VGLL4: variants seen among roughly 807,000 people sequenced by gnomAD.
VGLL4 encodes vestigial like family member 4.
In VGLL4, 7 loss-of-function variants were observed where a neutral mutation model predicts 21.0. That is an observed-to-expected ratio of 0.33 (90% CI 0.19 to 0.63). VGLL4 has a LOEUF of 0.63. VGLL4 is among the 20% of genes least tolerant of loss of function. The pLI is 0.78. For synonymous variants in VGLL4, 222 were observed against 173.2 expected (o/e 1.28, Z -2.21); for missense variants, 394 against 425.7 (o/e 0.93, Z 0.66).
At chr3:11,665,976 C>A (rs1369054383) in intron 2 of VGLL4, among the ~76,000 whole-genome samples, 1 of 152,144 alleles carries the variant, frequency 6.6e-6, no homozygotes, top group Admixed American at 6.5e-5. Flanking sequence ...CTGGGCCGGG[C>A]GCGGTGGCTC....
intron 1 of VGLL4, among the ~76,000 whole-genome samples, chr3:11,621,491 C>T (rs2075265472): frequency 6.6e-6 from 1 of 152,138 alleles, no homozygotes; most frequent in African/African-American, 2.4e-5. Context: ...CATGTTGTAA[C>T]GTATGTCAGT....
intron 2 of VGLL4, among the ~76,000 whole-genome samples, chr3:11,684,877 T>C (rs1415918328): frequency 6.6e-6 from 1 of 152,174 alleles, no homozygotes; most frequent in African/African-American, 2.4e-5. Flanking sequence ...GCAGTTTTGT[T>C]TTATAGGTAA....
intron 1 of VGLL4, among the ~76,000 whole-genome samples, chr3:11,616,716 G>A (rs750530332): frequency 9.2e-5 from 14 of 152,226 alleles, no homozygotes; most frequent in African/African-American, 3.4e-4. Flanking sequence ...AAAATCAGAG[G>A]ATGTGGTTCA....
intron 2 of VGLL4, among the ~76,000 whole-genome samples, chr3:11,691,428 C>T (rs2076525151): frequency 6.6e-6 from 1 of 152,112 alleles, no homozygotes; most frequent in African/African-American, 2.4e-5. Context: ...ACGTTAACAA[C>T]TGGCTCTCTA....
chr3:11,558,376 G>T lies in VGLL4; in HGVS notation c.*180C>A. 1 of 1,034,000 alleles carries T rather than the reference G, an allele frequency of 9.7e-7. No homozygotes were observed. Among genetic ancestry groups the T allele is most frequent in the Non-Finnish European group, 1.4e-6 (1 of 733,526 alleles). 64.1% of individuals were successfully genotyped at this position (1,034,000 alleles called of 1,614,324 possible). ...TGCTATCATGTTTGAGGGCCCCCTT[G>T]TACGGATACCAAGCAAGTACAAAAA... is the stretch of plus-strand genomic sequence containing the variant. On this transcript the variant is annotated 3_prime_UTR_variant, in exon 5 of 5. Transcript: ENST00000430365.
rs546261908 is a variant in VGLL4, at chr3:11,587,523, C to T, written c.272+14310G>A. Among the ~76,000 whole-genome samples the T allele has an allele frequency of 9.2e-5, 14 of 152,308 alleles. No homozygotes were observed. In the South Asian group the frequency reaches 2.3e-3, roughly 25 times the overall value. On this transcript the variant is annotated intron_variant, in intron 2 of 4. Coordinates refer to ENST00000430365, the MANE Select transcript of VGLL4 (RefSeq NM_001128219.3). Reference sequence around the variant, plus strand: ...ATCTGTCACACAAAAATAAAATAAACGCAACAACAATCTACTAGAAAACAG... The same window carrying T: ...ATCTGTCACACAAAAATAAAATAAATGCAACAACAATCTACTAGAAAACAG...
intron 1 of VGLL4, 25 bp from the exon 2 acceptor site, chr3:11,602,047 C>T: frequency 1.3e-6 from 2 of 1,504,148 alleles, no homozygotes; most frequent in Non-Finnish European, 1.8e-6. Flanking sequence ...ATGATGTAGT[C>T]ACTAAGCAGG....
At chr3:11,703,075 A>AG in intron 1 of VGLL4, 1 of 1,573,490 alleles carries the variant, frequency 6.4e-7, no homozygotes, top group Non-Finnish European at 8.6e-7. Flanking sequence ...AAGGGGAAAA[A>AG]ATAATTTAAA....
intron 2 of VGLL4, among the ~76,000 whole-genome samples, chr3:11,678,085 A>C (rs534161158): frequency 2.4e-4 from 36 of 151,940 alleles, no homozygotes; most frequent in African/African-American, 8.7e-4. Flanking sequence ...ATAGAGTCTC[A>C]CTCTGTCGCC....
intron 2 of VGLL4, among the ~76,000 whole-genome samples, chr3:11,585,842 G>T (rs778679907): frequency 4.8e-4 from 73 of 152,180 alleles, no homozygotes; most frequent in Non-Finnish European, 8.5e-4. Flanking sequence ...CCACCACAGA[G>T]GAACCACACA....
intron 2 of VGLL4, among the ~76,000 whole-genome samples, chr3:11,584,404 T>C (rs770946642): frequency 6.6e-6 from 1 of 151,972 alleles, no homozygotes; most frequent in Non-Finnish European, 1.5e-5. Flanking sequence ...GCAAATATTA[T>C]ATAAATGAAT....
chr3:11,632,738 A>G (rs1165265579), intron 1 of VGLL4, among the ~76,000 whole-genome samples: 1 of 152,220 alleles, frequency 6.6e-6, no homozygotes, highest in African/African-American at 2.4e-5. Flanking sequence ...CATAACCTGT[A>G]ATTATCTTCT....
intron 2 of VGLL4, among the ~76,000 whole-genome samples, chr3:11,692,125 T>G (rs2125393769): frequency 6.6e-6 from 1 of 152,342 alleles, no homozygotes; most frequent in Non-Finnish European, 1.5e-5. Context: ...TTGTGAAACA[T>G]TTGTTTAAAG....
chr3:11,652,015 C>A (rs934377050), intron 2 of VGLL4, among the ~76,000 whole-genome samples: 1 of 152,074 alleles, frequency 6.6e-6, no homozygotes, highest in African/African-American at 2.4e-5. Flanking sequence ...TATTAAGTAG[C>A]GACTGATCAT....
intron 2 of VGLL4, among the ~76,000 whole-genome samples, chr3:11,677,191 T>C (rs1187114339): frequency 1.3e-5 from 2 of 152,282 alleles, no homozygotes; most frequent in East Asian, 3.9e-4. Context: ...ATTGAGTTAA[T>C]GGTATGAGTA....
At chr3:11,666,908 C>T (rs1054094504) in intron 2 of VGLL4, among the ~76,000 whole-genome samples, 9 of 152,192 alleles carry the variant, frequency 5.9e-5, no homozygotes, top group Non-Finnish European at 7.3e-5. Flanking sequence ...CTCCTATCTG[C>T]GGCGCCTGCT....
At chr3:11,615,811 T>G (rs906163741) in intron 1 of VGLL4, among the ~76,000 whole-genome samples, 11 of 152,288 alleles carry the variant, frequency 7.2e-5, no homozygotes, top group African/African-American at 2.6e-4. Flanking sequence ...ACAAAACACA[T>G]TGAAAGAAAG....
chr3:11,670,710 T>C (rs940883115), intron 2 of VGLL4, among the ~76,000 whole-genome samples: 6 of 152,284 alleles, frequency 3.9e-5, no homozygotes, highest in Admixed American at 3.9e-4. Flanking sequence ...ACCAGTATCC[T>C]GCCTGGATAT....
Position 11,594,899 on chromosome 3 carries a change from C to T in VGLL4, c.272+6934G>A, listed in dbSNP as rs900181713. Among the ~76,000 whole-genome samples the T allele has an allele frequency of 3.3e-5, 5 of 152,340 alleles. 1 individual carries two copies. Among genetic ancestry groups the T allele is most frequent in the South Asian group, 4.1e-4 (2 of 4,832 alleles). On this transcript the variant is annotated intron_variant, in intron 2 of 4. Coordinates refer to ENST00000430365, the MANE Select transcript of VGLL4 (RefSeq NM_001128219.3). The stretch of plus-strand genomic sequence containing the variant: ...GAAGGCGGCCAGGCACGGTGGCTCA[C>T]GCCAGTAATCCCAGCACTTTGGGAG...
Sources: allele counts gnomAD v4.1 joint callset (sites outside exome capture counted in the v4.1 genomes callset), GRCh38; gene constraint gnomAD v4.1.1; transcripts MANE v1.5; gene names NCBI Gene and HGNC (gene_info 2026-07-23, HGNC 2026-07-21).